IKBKB: variants seen among roughly 807,000 people sequenced by gnomAD.
IKBKB encodes inhibitor of nuclear factor kappa-B kinase subunit beta.
Under a neutral mutation model 113.6 loss-of-function variants are expected in IKBKB, and 42 were observed. The observed-to-expected ratio is 0.37, with a 90% confidence interval of 0.29 to 0.48. The LOEUF (loss-of-function observed/expected upper bound fraction) is 0.48. Among genes scored for constraint, IKBKB ranks in the 20% least tolerant of loss-of-function variants. The pLI is 0.99. For missense variants in IKBKB, 673 were observed against 939.7 expected (o/e 0.72, Z 3.71); for synonymous variants, 296 against 361.3 (o/e 0.82, Z 2.05).
chr8:42,303,062 A>G (rs755596829), intron 5 of IKBKB, among the ~76,000 whole-genome samples: 27 of 102,260 alleles, frequency 2.6e-4, no homozygotes, highest in Non-Finnish European at 4.0e-4. Flanking sequence ...GCCGAGAGGG[A>G]GAGAGAGAGA....
intron 20 of IKBKB, among the ~76,000 whole-genome samples, chr8:42,327,821 T>TTTTTTTTTTTTTTTG (rs1563374181): frequency 1.5e-4 from 2 of 13,022 alleles, no homozygotes; most frequent in African/African-American, 1.8e-4. Flanking sequence ...TTTTTTTTTT[T>TTTTTTTTTTTTTTTG]GAGACGGAGT....
Position 42,316,419 on chromosome 8 carries a change from G to A in IKBKB, c.930+80G>A. 1 of 1,545,950 alleles carries A rather than the reference G, an allele frequency of 6.5e-7. No homozygotes were observed. On this transcript the variant is annotated intron_variant, in intron 10 of 21. Coordinates refer to ENST00000520810, the MANE Select transcript of IKBKB (RefSeq NM_001556.3). This position sits in a 1 kb window ranked among gnomAD's most constrained non-coding sequence, Gnocchi z 4.5. ...ATGCAGTTCTTAGGACAGAGCAGGG[G>A]ATGGGGCCAGCTGACCTAGTGAGGA...
rs778073607 is a variant in IKBKB, at chr8:42,306,457, G to A, written c.567+25G>A. Reference sequence around the variant, plus strand: ...GGTAAGAAGTGGGCCTTGCCTGTTTGCCTGTCAGCTCCTCCCTGCTGCTGC... The same window carrying A: ...GGTAAGAAGTGGGCCTTGCCTGTTTACCTGTCAGCTCCTCCCTGCTGCTGC... On this transcript the variant is annotated intron_variant, in intron 7 of 21. Coordinates refer to ENST00000520810, the MANE Select transcript of IKBKB (RefSeq NM_001556.3). 8 of 1,475,110 alleles carry A rather than the reference G, an allele frequency of 5.4e-6. No homozygotes were observed. The East Asian group carries it at 1.8e-4, about 33-fold the overall frequency. The allele number at this position is 1,475,110 out of a possible 1,614,324, so 91.4% of individuals were successfully genotyped here.
chr8:42,318,316 C>T (rs150536069), intron 12 of IKBKB, among the ~76,000 whole-genome samples: 156 of 152,090 alleles, frequency 1.0e-3, no homozygotes, highest in Middle Eastern at 3.4e-3. Flanking sequence ...ACATATGTGT[C>T]CAATGGTTCG....
chr8:42,309,484 G>A, intron 8 of IKBKB: 1 of 420,756 alleles, frequency 2.4e-6, no homozygotes. Flanking sequence ...GCCGGGTACA[G>A]TGGCTCACTC....
At chr8:42,294,119 G>T (rs558963303) in intron 5 of IKBKB, among the ~76,000 whole-genome samples, 59 of 152,346 alleles carry the variant, frequency 3.9e-4, no homozygotes, top group Non-Finnish European at 6.5e-4. Flanking sequence ...GCCCCAGCCT[G>T]GGGAGACAGG....
intron 5 of IKBKB, among the ~76,000 whole-genome samples, chr8:42,294,403 C>T (rs774735403): frequency 2.6e-5 from 4 of 152,070 alleles, no homozygotes; most frequent in Non-Finnish European, 2.9e-5. Context: ...ACTCACATAC[C>T]GTTCCCCTCG....
intron 2 of IKBKB, among the ~76,000 whole-genome samples, chr8:42,274,226 C>T (rs1489501262): frequency 2.0e-5 from 3 of 152,050 alleles, no homozygotes; most frequent in Non-Finnish European, 4.4e-5. Context: ...AATGGGGTTT[C>T]ACCATGTAGG....
intron 6 of IKBKB, 106 bp from the exon 7 acceptor site, chr8:42,306,237 C>A: frequency 1.4e-6 from 1 of 704,422 alleles, no homozygotes; most frequent in Non-Finnish European, 2.6e-6. Flanking sequence ...TCTAATAGTA[C>A]CTGGGAATTC....
chr8:42,291,341 C>T (rs749040498), intron 4 of IKBKB, among the ~76,000 whole-genome samples: 6 of 152,188 alleles, frequency 3.9e-5, no homozygotes, highest in Admixed American at 3.3e-4. Context: ...GCCCCCACGC[C>T]TGGCTAATTT....
chr8:42,299,755 C>G (rs1814763870), intron 5 of IKBKB, among the ~76,000 whole-genome samples: 1 of 152,248 alleles, frequency 6.6e-6, no homozygotes, highest in Non-Finnish European at 1.5e-5. Flanking sequence ...GTTCTTGCAC[C>G]TCCCAGAGAC....
intron 6 of IKBKB, 123 bp from the exon 7 acceptor site, chr8:42,306,220 T>A (rs1816497785): frequency 4.7e-6 from 3 of 633,252 alleles, no homozygotes; most frequent in Non-Finnish European, 8.7e-6. Flanking sequence ...CTCTTAGGAG[T>A]TTGGGATCTA....
intron 20 of IKBKB, among the ~76,000 whole-genome samples, chr8:42,328,288 A>T (rs1477566389): frequency 2.1e-5 from 3 of 142,722 alleles, no homozygotes; most frequent in Non-Finnish European, 3.0e-5. Context: ...TTATTTCCCC[A>T]ACCTCTCATG....
chr8:42,310,138 A>G (rs1308659485), intron 8 of IKBKB, among the ~76,000 whole-genome samples: 1 of 152,226 alleles, frequency 6.6e-6, no homozygotes, highest in African/African-American at 2.4e-5. Context: ...TTAAAAATGA[A>G]TATTCCCCCA....
intron 1 of IKBKB, 116 bp downstream of exon 1, chr8:42,271,585 G>C: frequency 1.8e-6 from 1 of 558,034 alleles, no homozygotes; most frequent in Non-Finnish European, 3.1e-6. Flanking sequence ...TGCGGACTGG[G>C]GAGCGTTTCA....
At chr8:42,271,844 C>T (rs1807821249) in intron 1 of IKBKB, 1 of 557,604 alleles carries the variant, frequency 1.8e-6, no homozygotes, top group African/African-American at 1.9e-5. Context: ...TCGCCTCCCT[C>T]GGTGACTTTC....
chr8:42,272,956 A>C (rs1563287556), intron 2 of IKBKB, among the ~76,000 whole-genome samples: 2 of 151,082 alleles, frequency 1.3e-5, no homozygotes, highest in Non-Finnish European at 3.0e-5. Flanking sequence ...AAAAAAAAAA[A>C]AAAAACCTTA....
chr8:42,317,083 C>G, intron 11 of IKBKB, 179 bp downstream of exon 11: 1 of 682,362 alleles, frequency 1.5e-6, no homozygotes, highest in Non-Finnish European at 2.7e-6. Context: ...ATAGGAAACA[C>G]AAATCTCCTT....
At chr8:42,288,544 T>C (rs1304613780) in intron 2 of IKBKB, 90 bp from the exon 3 acceptor site, 5 of 942,432 alleles carry the variant, frequency 5.3e-6, no homozygotes, top group East Asian at 5.6e-5. Context: ...CAGGTAACGC[T>C]TGGGGCCTGG....
Sources: allele counts gnomAD v4.1 joint callset (sites outside exome capture counted in the v4.1 genomes callset), GRCh38; gene constraint gnomAD v4.1.1; non-coding constraint Gnocchi (gnomAD v3.1); transcripts MANE v1.5; gene names NCBI Gene and HGNC (gene_info 2026-07-23, HGNC 2026-07-21).